Variants in ADRA1D observed in about 807,000 individuals in gnomAD.
ADRA1D encodes the protein adrenoceptor alpha 1D, also known as alpha-1D adrenergic receptor.
ADRA1D carries 22 observed loss-of-function variants against 18.6 expected under a neutral mutation model. That is an observed-to-expected ratio of 1.19 (90% confidence interval 0.85 to 1.69). The LOEUF is 1.69. Among genes scored for constraint, ADRA1D ranks in the 40% most tolerant of loss-of-function variants. The pLI is 0.00. For synonymous variants in ADRA1D, 376 were observed against 388.2 expected (o/e 0.97, Z 0.37); for missense variants, 840 against 840.7 (o/e 1.00, Z 0.01).
intron 1 of ADRA1D, among the ~76,000 whole-genome samples, chr20:4,223,540 A>G (rs1980723103): frequency 6.6e-6 from 1 of 152,212 alleles, no homozygotes; most frequent in African/African-American, 2.4e-5. Context: ...ATGTGAATAA[A>G]TATCTTTGAG....
intron 1 of ADRA1D, among the ~76,000 whole-genome samples, chr20:4,242,540 G>T (rs768630802): frequency 6.6e-6 from 1 of 152,250 alleles, no homozygotes; most frequent in Admixed American, 6.5e-5. Context: ...AAGTCTGGGG[G>T]TGGTCAGCGA....
intron 1 of ADRA1D, among the ~76,000 whole-genome samples, chr20:4,228,712 C>T (rs903290627): frequency 6.6e-6 from 1 of 152,222 alleles, no homozygotes; most frequent in Non-Finnish European, 1.5e-5. Context: ...AAACTAGGCA[C>T]TCGCCCAGCC....
intron 1 of ADRA1D, among the ~76,000 whole-genome samples, chr20:4,243,661 G>T (rs1224672597): frequency 2.0e-5 from 3 of 152,066 alleles, no homozygotes; most frequent in African/African-American, 7.2e-5. Context: ...CACGGAACGT[G>T]GGCAGGAGGG....
chr20:4,238,773 C>G (rs1371264168), intron 1 of ADRA1D, among the ~76,000 whole-genome samples: 1 of 152,092 alleles, frequency 6.6e-6, no homozygotes, highest in African/African-American at 2.4e-5. Flanking sequence ...ATCCCAGAGC[C>G]AATTGTGTAA....
intron 1 of ADRA1D, among the ~76,000 whole-genome samples, chr20:4,233,047 G>A (rs835884): frequency 0.054 from 8,179 of 152,180 alleles, 748 homozygotes; most frequent in African/African-American, 0.19. Flanking sequence ...CATGTCTGCC[G>A]TCCTAGCTAC....
In ADRA1D at chr20:4,248,034, A is replaced by G. The variant is rs1473361274; in HGVS notation, c.924T>C (p.Cys308=). The change falls in exon 1 of 2, where the codon TGT becomes TGC. Residue 308 remains cysteine (C), a synonymous_variant. Transcript: ENST00000379453. The part of the protein sequence containing the change: ...KASEVVLRIH[C]RGAATGADGA... The stretch of plus-strand genomic sequence containing the variant: ...CGTCGGCGCCCGTGGCCGCGCCGCG[A>G]CAGTGGATGCGCAGCACCACCTCGG... 5 of 1,551,510 alleles carry G rather than the reference A, an allele frequency of 3.2e-6. No homozygotes were observed. The South Asian group carries it at 4.7e-5, about 15-fold the overall frequency.
intron 1 of ADRA1D, among the ~76,000 whole-genome samples, chr20:4,237,839 T>TTTA (rs1396208205): frequency 5.3e-5 from 8 of 149,700 alleles, no homozygotes; most frequent in African/African-American, 2.0e-4. Context: ...AATTTTTGTA[T>TTTA]TTATTTATTT....
Position 4,221,958 on chromosome 20 carries a change from G to GCGGCGGCGC in ADRA1D, c.1275_1283dup (p.Arg426_Arg428dup), listed in dbSNP as rs1367090935. 2 of 1,548,134 alleles carry GCGGCGGCGC rather than the reference G, an allele frequency of 1.3e-6. No homozygotes were observed. Among genetic ancestry groups the GCGGCGGCGC allele is most frequent in the South Asian group, 1.2e-5 (1 of 84,454 alleles). On this transcript the variant is annotated inframe_insertion, in exon 2 of 2. Transcript: ENST00000379453. ...GGTGGCCGTAGACACGCCAGAGAGG[G>GCGGCGGCGC]CGGCGGCGCCGGCGACGACGGCACT... is the stretch of plus-strand genomic sequence containing the variant.
intron 1 of ADRA1D, among the ~76,000 whole-genome samples, chr20:4,242,237 A>C (rs1321908384): frequency 6.6e-6 from 1 of 152,220 alleles, no homozygotes; most frequent in African/African-American, 2.4e-5. Context: ...CCATGTGTGC[A>C]TCAGTAGTTT....
intron 1 of ADRA1D, among the ~76,000 whole-genome samples, chr20:4,240,750 C>A (rs762729389): frequency 9.9e-5 from 15 of 152,040 alleles, no homozygotes; most frequent in Non-Finnish European, 2.9e-5. Flanking sequence ...GCTGAGATTG[C>A]GCCACTGCAC....
At position 4,220,659 on chromosome 20, in the gene ADRA1D, C is replaced by T. The variant is rs1374683522; in HGVS notation, c.*864G>A. On this transcript the variant is annotated 3_prime_UTR_variant, in exon 2 of 2. Coordinates refer to ENST00000379453, the MANE Select transcript of ADRA1D (RefSeq NM_000678.4). Reference sequence around the variant, plus strand: ...AATGTAGACCCAATCTATTCTGTTGCGGGCCTTTAGTTCTTGACAGACTTT... The same window carrying T: ...AATGTAGACCCAATCTATTCTGTTGTGGGCCTTTAGTTCTTGACAGACTTT... 2.6e-5 allele frequency: 4 copies of T among 152,284 alleles called. No homozygotes were observed. Among genetic ancestry groups the T allele is most frequent in the East Asian group, 1.9e-4 (1 of 5,188 alleles). 9.4% of individuals were successfully genotyped at this position (152,284 alleles called of 1,614,324 possible).
rs1600843807 is a variant in ADRA1D at position 4,222,027 on chromosome 20, G to T, written c.1215C>A (p.Ser405=). The change falls in exon 2 of 2, where the codon TCC becomes TCA. Residue 405 remains serine (S), a synonymous_variant. Transcript: ENST00000379453. This position sits in a 1 kb window ranked among gnomAD's most constrained non-coding sequence, Gnocchi z 4.3. ...GGAAGGCGCGCTTGAACTCGCGGCT[G>T]GAACAGGGGTAGATGAGCGGGTTCA... ...SCVNPLIYPC[S]SREFKRAFLR... The T allele has an allele frequency of 1.2e-6, 2 of 1,607,972 alleles. No individual in the cohort carries two copies. Among genetic ancestry groups the T allele is most frequent in the Non-Finnish European group, 1.7e-6 (2 of 1,176,882 alleles).
intron 1 of ADRA1D, among the ~76,000 whole-genome samples, chr20:4,234,665 C>T (rs1981047556): frequency 6.6e-6 from 1 of 152,206 alleles, no homozygotes; most frequent in African/African-American, 2.4e-5. Flanking sequence ...CCTTGGAGCT[C>T]AGTAGCAGCC....
intron 1 of ADRA1D, 61 bp downstream of exon 1, chr20:4,247,786 G>C (rs537748170): frequency 1.5e-4 from 209 of 1,424,036 alleles, no homozygotes; most frequent in Non-Finnish European, 1.9e-4. Flanking sequence ...CTGGGTGCCA[G>C]GAGGGCACCG....
chr20:4,231,267 GTTA>G (rs58687402), intron 1 of ADRA1D, among the ~76,000 whole-genome samples: 153 of 138,906 alleles, frequency 1.1e-3, no homozygotes, highest in African/African-American at 3.1e-3. Flanking sequence ...CTGGCTAATT[GTTA>G]TTATTATTAT....
chr20:4,237,657 ATTT>A (rs11476310), intron 1 of ADRA1D, among the ~76,000 whole-genome samples: 10 of 121,044 alleles, frequency 8.3e-5, no homozygotes, highest in Admixed American at 8.5e-5. Context: ...TAATGTCAGG[ATTT>A]TTTTTTTTTT....
At chr20:4,235,760 G>C (rs1167794508) in intron 1 of ADRA1D, among the ~76,000 whole-genome samples, 1 of 152,270 alleles carries the variant, frequency 6.6e-6, no homozygotes, top group Non-Finnish European at 1.5e-5. Context: ...AGAGACTCAA[G>C]ACCCTGTTCT....
chr20:4,249,042 TC>T lies in ADRA1D; in HGVS notation c.-86del. ...GGAGCACAGGGCATAGCCGCGGGGC[TC>T]CAGATGCAGCTCCGCGCACGGGTCC... is the stretch of plus-strand genomic sequence containing the variant. On this transcript the variant is annotated 5_prime_UTR_variant, in exon 1 of 2. Coordinates refer to ENST00000379453, the MANE Select transcript of ADRA1D (RefSeq NM_000678.4). 1 of 1,040,448 alleles carries T rather than the reference TC, an allele frequency of 9.6e-7. No individual in the cohort carries two copies. The highest frequency in any genetic ancestry group is 1.2e-6 in the Non-Finnish European group (1 of 839,432). 64.5% of individuals were successfully genotyped at this position (1,040,448 alleles called of 1,614,324 possible).
At chr20:4,227,763 C>CCTTCCTTCCT (rs1568763509) in intron 1 of ADRA1D, among the ~76,000 whole-genome samples, 1 of 134,798 alleles carries the variant, frequency 7.4e-6, no homozygotes, top group African/African-American at 2.9e-5. Flanking sequence ...CTCTCTCTCT[C>CCTTCCTTCCT]TTTCTTCTCT....
Sources: allele counts gnomAD v4.1 joint callset (sites outside exome capture counted in the v4.1 genomes callset), GRCh38; gene constraint gnomAD v4.1.1; non-coding constraint Gnocchi (gnomAD v3.1); transcripts MANE v1.5; gene names NCBI Gene and HGNC (gene_info 2026-07-23, HGNC 2026-07-21).